The following MAGI1 variants were observed in gnomAD, a reference collection of about 807,000 sequenced individuals.
MAGI1 encodes membrane-associated guanylate kinase, WW and PDZ domain-containing protein 1.
Under a neutral mutation model 139.9 loss-of-function variants are expected in MAGI1, and 58 were observed. The observed-to-expected ratio is 0.41, with a 90% CI of 0.34 to 0.52. The LOEUF is 0.52. Among genes scored for constraint, MAGI1 ranks in the 20% least tolerant of loss-of-function variants. MAGI1 has a pLI of 0.12. For missense variants in MAGI1, 1,874 were observed against 1,901.6 expected, an observed-to-expected ratio of 0.99 and a Z score of 0.27; for synonymous variants, 812 against 737.9, an observed-to-expected ratio of 1.10 and a Z score of -1.63.
chr3:65,415,015 A>AC (rs1559535164), intron 12 of MAGI1, among the ~76,000 whole-genome samples: 1 of 68,378 alleles, frequency 1.5e-5, no homozygotes. Context: ...GGAAAAAAAA[A>AC]AAAACAAAAA....
chr3:65,783,560 C>G (rs191813129), intron 1 of MAGI1, among the ~76,000 whole-genome samples: 2 of 152,104 alleles, frequency 1.3e-5, no homozygotes, highest in Non-Finnish European at 2.9e-5. Context: ...GTGGCACGAT[C>G]AGAGCTCACT....
intron 1 of MAGI1, among the ~76,000 whole-genome samples, chr3:65,654,357 TA>T (rs1470214078): frequency 6.6e-6 from 1 of 152,184 alleles, no homozygotes; most frequent in Non-Finnish European, 1.5e-5. Context: ...ACTGAGGGCG[TA>T]AAAATGTCCA....
intron 1 of MAGI1, among the ~76,000 whole-genome samples, chr3:65,660,066 T>C (rs1267667509): frequency 1.3e-5 from 2 of 152,186 alleles, no homozygotes; most frequent in Admixed American, 6.5e-5. Context: ...AATTGTTACA[T>C]GTTGTGGGGC....
rs1490720919 is a variant in MAGI1 at position 65,938,322 on chromosome 3, AAATT to A, written c.313+99670_313+99673del. Among the ~76,000 whole-genome samples, 24 of 148,244 alleles carry A rather than the reference AAATT, an allele frequency of 1.6e-4. No individual in the cohort carries two copies. The East Asian group carries it at 2.9e-3, about 18-fold the overall frequency. ...ATATATTAACATAATTATACTAAATAAATTAATATAAATATATTAAATGAACTAA... is the reference window on the plus strand; with the variant it reads ...ATATATTAACATAATTATACTAAATAAATATAAATATATTAAATGAACTAA... On this transcript the variant is annotated intron_variant, in intron 1 of 22. Coordinates refer to ENST00000402939, the MANE Select transcript of MAGI1 (RefSeq NM_001033057.2).
chr3:65,521,305 C>T (rs2078143413), intron 2 of MAGI1, among the ~76,000 whole-genome samples: 1 of 151,982 alleles, frequency 6.6e-6, no homozygotes. Context: ...TCTGACCTCA[C>T]AGCTATAACA....
chr3:65,791,030 G>A (rs911233153), intron 1 of MAGI1, among the ~76,000 whole-genome samples: 2 of 152,000 alleles, frequency 1.3e-5, no homozygotes, highest in African/African-American at 4.8e-5. Flanking sequence ...AGCCAAGGTC[G>A]CATCACTGCA....
At chr3:65,849,624 C>T (rs1477448392) in intron 1 of MAGI1, among the ~76,000 whole-genome samples, 2 of 151,830 alleles carry the variant, frequency 1.3e-5, no homozygotes, top group African/African-American at 2.4e-5. Context: ...GACTGATAAA[C>T]TACTTCATAA....
chr3:65,750,408 T>G (rs112973944), intron 1 of MAGI1, among the ~76,000 whole-genome samples: 7,456 of 152,302 alleles, frequency 0.049, 248 homozygotes, highest in African/African-American at 0.08. Context: ...AGAAAAAATC[T>G]ACCATTACAA....
At chr3:66,015,514 G>A (rs1185023341) in intron 1 of MAGI1, among the ~76,000 whole-genome samples, 2 of 152,084 alleles carry the variant, frequency 1.3e-5, no homozygotes, top group Non-Finnish European at 2.9e-5. Context: ...TCAAAAATGG[G>A]AATGATTATA....
chr3:65,789,676 G>A (rs999136389), intron 1 of MAGI1, among the ~76,000 whole-genome samples: 2 of 152,146 alleles, frequency 1.3e-5, no homozygotes, highest in Non-Finnish European at 2.9e-5. Flanking sequence ...ACCGAAGCAC[G>A]TAAAGTGGCT....
intron 1 of MAGI1, among the ~76,000 whole-genome samples, chr3:65,631,088 T>G (rs994639842): frequency 1.3e-5 from 2 of 152,188 alleles, no homozygotes; most frequent in Non-Finnish European, 2.9e-5. Flanking sequence ...CCAGTAGAGC[T>G]GATGATCACA....
intron 2 of MAGI1, among the ~76,000 whole-genome samples, chr3:65,544,236 T>C (rs972398247): frequency 2.0e-5 from 3 of 152,202 alleles, no homozygotes; most frequent in Non-Finnish European, 2.9e-5. Flanking sequence ...CATAAAATAC[T>C]ACCCAATGAC....
chr3:65,438,296 T>C (rs959653860), intron 9 of MAGI1, among the ~76,000 whole-genome samples: 7 of 152,156 alleles, frequency 4.6e-5, no homozygotes, highest in African/African-American at 1.2e-4. Flanking sequence ...AAACACCACA[T>C]GTTCTCACTT....
At chr3:65,495,144 T>A (rs1022430755) in intron 2 of MAGI1, among the ~76,000 whole-genome samples, 20 of 152,190 alleles carry the variant, frequency 1.3e-4, no homozygotes, top group Non-Finnish European at 2.5e-4. Flanking sequence ...TCATATACTG[T>A]TAAAGAACAG....
At position 65,602,278 on chromosome 3, in the gene MAGI1, T is replaced by C. The variant is rs2082518007; in HGVS notation, c.430+19694A>G. Among the ~76,000 whole-genome samples the C allele has an allele frequency of 1.3e-5, 2 of 152,288 alleles. 1 individual carries two copies. Among genetic ancestry groups the C allele is most frequent in the South Asian group, 4.1e-4 (2 of 4,828 alleles). ...AATGTTATAGCAGCATTATTACTCA[T>C]AATAGCCAAAAAGTGAAATAATTCA... On this transcript the variant is annotated intron_variant, in intron 2 of 22. Coordinates refer to ENST00000402939, the MANE Select transcript of MAGI1 (RefSeq NM_001033057.2).
intron 1 of MAGI1, among the ~76,000 whole-genome samples, chr3:65,735,296 T>A (rs2034616915): frequency 6.6e-6 from 1 of 152,000 alleles, no homozygotes; most frequent in Non-Finnish European, 1.5e-5. Context: ...AAGTTAAGGA[T>A]TTTTGGGGGG....
intron 20 of MAGI1, among the ~76,000 whole-genome samples, 173 bp downstream of exon 20, chr3:65,364,492 A>G (rs762860792): frequency 6.6e-6 from 1 of 152,180 alleles, no homozygotes. Flanking sequence ...AAGGTAGTAA[A>G]ATAACATGTT....
intron 2 of MAGI1, among the ~76,000 whole-genome samples, chr3:65,583,761 A>T (rs867585389): frequency 1.3e-5 from 2 of 152,300 alleles, no homozygotes; most frequent in Admixed American, 6.5e-5. Context: ...CAAAGGAATG[A>T]TCTAACCAAG....
chr3:65,998,094 C>A (rs1384540968), intron 1 of MAGI1, among the ~76,000 whole-genome samples: 2 of 148,018 alleles, frequency 1.4e-5, no homozygotes, highest in African/African-American at 5.0e-5. Flanking sequence ...CAGAGCTAGA[C>A]TCTGTCTCGG....
Sources: allele counts gnomAD v4.1 joint callset (sites outside exome capture counted in the v4.1 genomes callset), GRCh38; gene constraint gnomAD v4.1.1; transcripts MANE v1.5; gene names NCBI Gene and HGNC (gene_info 2026-07-23, HGNC 2026-07-21).